The following SCEL variants were observed in gnomAD, a reference collection of about 807,000 sequenced individuals.
SCEL encodes the protein sciellin.
Under a neutral mutation model 117.6 loss-of-function variants are expected in SCEL, and 113 were observed. The observed-to-expected ratio is 0.96, with a 90% CI of 0.83 to 1.12. The LOEUF (loss-of-function observed/expected upper bound fraction) is 1.12. Ranked by LOEUF, SCEL falls within the 50% of genes most tolerant of loss-of-function variation. SCEL has a pLI of 0.00. For synonymous variants in SCEL, 270 were observed against 256.2 expected, an observed-to-expected ratio of 1.05 and a Z score of -0.51; for missense variants, 785 against 810.8, an observed-to-expected ratio of 0.97 and a Z score of 0.39.
intron 3 of SCEL, among the ~76,000 whole-genome samples, 158 bp downstream of exon 3, chr13:77,556,871 A>G (rs2084690274): frequency 6.6e-6 from 1 of 152,214 alleles, no homozygotes; most frequent in Non-Finnish European, 1.5e-5. Context: ...CAAATAGGTT[A>G]CATATCAGAG....
intron 4 of SCEL, among the ~76,000 whole-genome samples, chr13:77,562,425 T>C (rs2085036987): frequency 6.6e-6 from 1 of 152,194 alleles, no homozygotes; most frequent in Non-Finnish European, 1.5e-5. Context: ...TTTTCTTCAC[T>C]CTTTTTCTTG....
rs2083725473 is a variant in SCEL, at chr13:77,541,973, CT to C, written c.-20+6150del. On this transcript the variant is annotated intron_variant, in intron 1 of 32. Coordinates refer to ENST00000349847, the MANE Select transcript of SCEL (RefSeq NM_144777.3). ...TTTCAGCTAGAACTGAAAATAGCCC[CT>C]GATGGGGCTCAGGTGATAGATAACT... 2.6e-5 allele frequency among the ~76,000 whole-genome samples: 4 copies of C among 152,310 alleles called. No individual in the cohort carries two copies. In the South Asian group the frequency reaches 8.3e-4, roughly 32 times the overall value.
At chr13:77,559,715 G>T in intron 3 of SCEL, 89 bp from the exon 4 acceptor site, 2 of 1,092,942 alleles carry the variant, frequency 1.8e-6, no homozygotes, top group Admixed American at 2.0e-5. Context: ...GCCAAAAATT[G>T]GGAGCTCGCC....
At chr13:77,581,723 C>G (rs936319127) in intron 9 of SCEL, among the ~76,000 whole-genome samples, 1 of 152,198 alleles carries the variant, frequency 6.6e-6, no homozygotes, top group Non-Finnish European at 1.5e-5. Flanking sequence ...CACCATTTCT[C>G]CTAGTATTGC....
intron 15 of SCEL, among the ~76,000 whole-genome samples, chr13:77,601,572 TA>T (rs1242349969): frequency 6.6e-6 from 1 of 152,184 alleles, no homozygotes; most frequent in Non-Finnish European, 1.5e-5. Flanking sequence ...GCTGGGACCA[TA>T]ACAGTTATTT....
chr13:77,542,450 T>G lies in SCEL; in HGVS notation c.-20+6626T>G, dbSNP rs35388605. 7.6e-3 allele frequency among the ~76,000 whole-genome samples: 1,153 copies of G among 152,240 alleles called. 6 individuals are homozygous for G. The highest frequency in any genetic ancestry group is 0.013 in the Non-Finnish European group (896 of 67,990). On this transcript the variant is annotated intron_variant, in intron 1 of 32. Transcript: ENST00000349847. The stretch of plus-strand genomic sequence containing the variant: ...CAGAATCAACAGTGAGAAAATTGTA[T>G]GGTAGGGGCTTTCATTTGTGCTACA...
intron 1 of SCEL, among the ~76,000 whole-genome samples, chr13:77,554,888 TC>T (rs1357242932): frequency 6.6e-6 from 1 of 152,130 alleles, no homozygotes; most frequent in Non-Finnish European, 1.5e-5. Context: ...TGACCAGCCA[TC>T]CAGGTTTGTC....
chr13:77,592,562 CTTTTTTT>C (rs10693960), intron 11 of SCEL, among the ~76,000 whole-genome samples: 1 of 133,338 alleles, frequency 7.5e-6, no homozygotes, highest in Non-Finnish European at 1.6e-5. Context: ...CTTCTTCTTC[CTTTTTTT>C]TTTTTTTTTG....
At chr13:77,563,938 A>G (rs747429356) in intron 5 of SCEL, 39 bp downstream of exon 5, 2 of 1,278,450 alleles carry the variant, frequency 1.6e-6, no homozygotes, top group Admixed American at 2.6e-5. Flanking sequence ...AATGCATAAC[A>G]TATTAAATAC....
chr13:77,592,719 C>G (rs1567390856), intron 11 of SCEL, among the ~76,000 whole-genome samples: 1 of 151,940 alleles, frequency 6.6e-6, no homozygotes, highest in South Asian at 2.1e-4. Context: ...CCACCACACC[C>G]AGCTAATTTA....
At chr13:77,537,195 C>T (rs904454523) in intron 1 of SCEL, among the ~76,000 whole-genome samples, 1 of 152,132 alleles carries the variant, frequency 6.6e-6, no homozygotes, top group Non-Finnish European at 1.5e-5. Flanking sequence ...GGAATGTTAG[C>T]GTCGTATAAA....
chr13:77,546,984 A>G (rs2084026281), intron 1 of SCEL, among the ~76,000 whole-genome samples: 1 of 152,298 alleles, frequency 6.6e-6, no homozygotes, highest in South Asian at 2.1e-4. Flanking sequence ...TTCCACTTCA[A>G]TTGTAATAGT....
chr13:77,608,238 G>A, intron 20 of SCEL, 123 bp downstream of exon 20: 3 of 641,678 alleles, frequency 4.7e-6, no homozygotes, highest in Non-Finnish European at 8.0e-6. Context: ...TTACTTACCA[G>A]CTTGGTGTCT....
intron 19 of SCEL, among the ~76,000 whole-genome samples, chr13:77,606,997 C>A (rs1034320095): frequency 5.9e-5 from 9 of 152,122 alleles, no homozygotes; most frequent in African/African-American, 2.2e-4. Flanking sequence ...TAAAGAGTAA[C>A]AAGAAACTAC....
chr13:77,576,107 T>C (rs2085927080), intron 9 of SCEL, among the ~76,000 whole-genome samples: 4 of 152,186 alleles, frequency 2.6e-5, no homozygotes, highest in South Asian at 2.1e-4. Flanking sequence ...TCTCTTTCCA[T>C]CTCAGCCAAC....
chr13:77,613,755 G>A, intron 23 of SCEL, 138 bp from the exon 24 acceptor site: 1 of 692,898 alleles, frequency 1.4e-6, no homozygotes, highest in Non-Finnish European at 2.5e-6. Context: ...TAAAAAAATG[G>A]TAACTAATAT....
In SCEL at chr13:77,569,398, C is replaced by T; in HGVS notation, c.426C>T (p.Asn142=). 6.2e-7 allele frequency: 1 copy of T among 1,613,932 alleles called. No individual in the cohort carries two copies. The highest frequency in any genetic ancestry group is 2.2e-5 in the East Asian group (1 of 44,876). ...AACCTGGCGGTTCATTGAATGCCAA[C>T]ACCTCCAACACCATAGCATCCACTT... The part of the protein sequence containing the change: ...KLQPGGSLNA[N]TSNTIASTSA... Residue 142 remains asparagine (N), a synonymous_variant, in exon 8 of 33, where the codon AAC becomes AAT. Coordinates refer to ENST00000349847, the MANE Select transcript of SCEL (RefSeq NM_144777.3).
rs952422771 is a variant in SCEL at position 77,644,517 on chromosome 13, G to T, written c.*243G>T. 5 of 456,964 alleles carry T rather than the reference G, an allele frequency of 1.1e-5. No individual in the cohort carries two copies. The highest frequency in any genetic ancestry group is 4.0e-5 in the African/African-American group (2 of 50,544). 28.3% of individuals were successfully genotyped at this position (456,964 alleles called of 1,614,324 possible). ...AGTTCAAATGGTTCCAGATTCCAGT[G>T]TCAAAGGAGTGATGCATTACACTCC... On this transcript the variant is annotated 3_prime_UTR_variant, in exon 33 of 33. Coordinates refer to ENST00000349847, the MANE Select transcript of SCEL (RefSeq NM_144777.3).
intron 8 of SCEL, among the ~76,000 whole-genome samples, chr13:77,571,834 T>C (rs1379315535): frequency 6.6e-6 from 1 of 152,038 alleles, no homozygotes; most frequent in Non-Finnish European, 1.5e-5. Flanking sequence ...GAATTTACTA[T>C]CTAGACTTAA....
Sources: allele counts gnomAD v4.1 joint callset (sites outside exome capture counted in the v4.1 genomes callset), GRCh38; gene constraint gnomAD v4.1.1; transcripts MANE v1.5; gene names NCBI Gene and HGNC (gene_info 2026-07-23, HGNC 2026-07-21).